CFAP57: variants seen among roughly 807,000 people sequenced by gnomAD.
CFAP57 encodes cilia- and flagella-associated protein 57.
In CFAP57, 116 loss-of-function variants were observed where a neutral mutation model predicts 146.8. The observed-to-expected ratio is 0.79, with a 90% CI of 0.68 to 0.92. The LOEUF (loss-of-function observed/expected upper bound fraction) is 0.92. CFAP57 is among the 40% of genes least tolerant of loss of function. The probability of loss-of-function intolerance (pLI) is 0.00; values close to 1 mark genes in which losing one functional copy is unlikely to be tolerated. For synonymous variants in CFAP57, 518 were observed against 552.8 expected, an observed-to-expected ratio of 0.94 and a Z score of 0.88; for missense variants, 1,377 against 1,527.2, an observed-to-expected ratio of 0.90 and a Z score of 1.64.
Position 43,172,563 on chromosome 1 carries a change from GGGGGAGGGGAAAGGGGAGGGACAA to G in CFAP57, c.-19-140_-19-117del, listed in dbSNP as rs1201283199. The G allele has an allele frequency of 1.2e-3, 927 of 769,796 alleles. 12 individuals carry two copies. The highest frequency in any genetic ancestry group is 0.011 in the South Asian group (671 of 59,780). 47.7% of individuals were successfully genotyped at this position (769,796 alleles called of 1,614,324 possible). A position where few individuals can be genotyped will look rare whatever the true frequency, so the allele number is the denominator to read the frequency against. On this transcript the variant is annotated intron_variant, in intron 1 of 22. Transcript: ENST00000372492. Reference sequence around the variant, plus strand: ...GTGGGGTGGCGCGGAGGAGGACCCCGGGGGAGGGGAAAGGGGAGGGACAAGGGGAGGGGAAAGGGGAGGGACAAG... The same window carrying G: ...GTGGGGTGGCGCGGAGGAGGACCCCGGGGGAGGGGAAAGGGGAGGGACAAG...
chr1:43,210,323 C>T (rs1644548419), intron 11 of CFAP57: 2 of 1,406,826 alleles, frequency 1.4e-6, no homozygotes, highest in East Asian at 2.6e-5. Flanking sequence ...AAAGGCCACC[C>T]CAGGGGCAAT....
chr1:43,240,684 G>A (rs774556861), intron 21 of CFAP57, among the ~76,000 whole-genome samples: 2 of 152,202 alleles, frequency 1.3e-5, no homozygotes, highest in African/African-American at 2.4e-5. Flanking sequence ...CCTGAGGCTG[G>A]GTAATTTATA....
intron 22 of CFAP57, among the ~76,000 whole-genome samples, chr1:43,252,826 G>C (rs1646357522): frequency 6.6e-6 from 1 of 152,188 alleles, no homozygotes; most frequent in South Asian, 2.1e-4. Flanking sequence ...ATAATTAGAA[G>C]CTCAATGGAC....
At chr1:43,175,379 A>AT (rs1645132030) in intron 2 of CFAP57, among the ~76,000 whole-genome samples, 1 of 151,848 alleles carries the variant, frequency 6.6e-6, no homozygotes, top group East Asian at 1.9e-4. Context: ...TTTTATTTTC[A>AT]TTTTTTATCC....
At chr1:43,222,395 T>C (rs1276074728) in intron 15 of CFAP57, 100 bp downstream of exon 15, 3 of 1,130,902 alleles carry the variant, frequency 2.7e-6, no homozygotes, top group Admixed American at 7.2e-5. Flanking sequence ...GGATGTGTTA[T>C]ACACTGGGTC....
intron 4 of CFAP57, 98 bp from the exon 5 acceptor site, chr1:43,185,051 C>A: frequency 7.5e-7 from 1 of 1,338,434 alleles, no homozygotes; most frequent in Non-Finnish European, 1.1e-6. Flanking sequence ...TGGGTGGTTT[C>A]TGTCACACCC....
chr1:43,177,867 G>A (rs1053350458), intron 2 of CFAP57, among the ~76,000 whole-genome samples: 2 of 152,196 alleles, frequency 1.3e-5, no homozygotes, highest in African/African-American at 2.4e-5. Flanking sequence ...GCCCAGCACC[G>A]TGGGTTGGGG....
At chr1:43,248,886 T>TA (rs1646219767) in intron 22 of CFAP57, among the ~76,000 whole-genome samples, 2 of 151,046 alleles carry the variant, frequency 1.3e-5, no homozygotes, top group Admixed American at 6.6e-5. Context: ...AACCTTTTTT[T>TA]AATTTTATTT....
In CFAP57 at chr1:43,222,184, A is replaced by C. The variant is rs1198066484; in HGVS notation, c.2421A>C (p.Glu807Asp). 6.5e-7 allele frequency: 1 copy of C among 1,546,326 alleles called. No homozygotes were observed. The change falls in exon 15 of 23, where the codon GAA becomes GAC. Residue 807 changes from glutamate (E) to aspartate (D), a missense_variant. By Grantham distance (45) the Glu-to-Asp change is conservative. Coordinates refer to ENST00000372492, the MANE Select transcript of CFAP57 (RefSeq NM_001378189.1). ...ELQLKSQRMQ[E>D]EYEKQLRDND... ...AGCTCAAGTCCCAGAGGATGCAGGA[A>C]GAGTATGAAAAACAGCTCCGGGATA...
intron 13 of CFAP57, 34 bp from the exon 14 acceptor site, chr1:43,221,338 T>G: frequency 2.0e-6 from 3 of 1,467,232 alleles, no homozygotes; most frequent in Non-Finnish European, 2.8e-6. Context: ...TTTCAGCAGA[T>G]GTGTGTAAAT....
At chr1:43,224,328 C>T (rs1645161062) in intron 17 of CFAP57, 124 bp downstream of exon 17, 1 of 1,149,504 alleles carries the variant, frequency 8.7e-7, no homozygotes, top group African/African-American at 1.6e-5. Context: ...ATGGGGGAAC[C>T]AGCCGTCAGT....
Position 43,232,607 on chromosome 1 carries a change from C to A in CFAP57, c.3109C>A (p.Arg1037Ser). The change falls in exon 19 of 23, where the codon CGC becomes AGC. Residue 1037 changes from arginine (R) to serine (S), a missense_variant. Physicochemically the swap from Arg to Ser is moderately radical, Grantham distance 110. Coordinates refer to ENST00000372492, the MANE Select transcript of CFAP57 (RefSeq NM_001378189.1). ...QKLRATDQEM[R>S]RERQKERDLE... ...ACTGAGAGCCACCGATCAGGAGATGCGCAGAGAGAGACAGAAGGTGTGAGG... is the reference window on the plus strand; with the variant it reads ...ACTGAGAGCCACCGATCAGGAGATGAGCAGAGAGAGACAGAAGGTGTGAGG... 6.5e-7 allele frequency: 1 copy of A among 1,543,198 alleles called. No homozygotes were observed. Among genetic ancestry groups the A allele is most frequent in the Non-Finnish European group, 8.8e-7 (1 of 1,141,614 alleles).
At chr1:43,206,176 T>G (rs76361464) in intron 9 of CFAP57, among the ~76,000 whole-genome samples, 1 of 152,052 alleles carries the variant, frequency 6.6e-6, no homozygotes, top group Non-Finnish European at 1.5e-5. Context: ...ACCCAGGCTA[T>G]TCTCAAACTG....
At position 43,172,884 on chromosome 1, in the gene CFAP57, A is replaced by T. The variant is rs1645030390; in HGVS notation, c.131A>T (p.Asp44Val). ...AATCACTGTGTGAAGTACAATGTGGATCAGAAATGGCAAAAATTCATTCCA... is the reference window on the plus strand; with the variant it reads ...AATCACTGTGTGAAGTACAATGTGGTTCAGAAATGGCAAAAATTCATTCCA... The part of the protein sequence containing the change: ...SGNHCVKYNV[D>V]QKWQKFIPGS... The change falls in exon 2 of 23, where the codon GAT becomes GTT. Residue 44 changes from aspartate (D) to valine (V), a missense_variant. Asp to Val is a radical substitution (Grantham distance 152, BLOSUM62 -3). Transcript: ENST00000372492. 1 of 1,614,148 alleles carries T rather than the reference A, an allele frequency of 6.2e-7. No individual in the cohort carries two copies. The highest frequency in any genetic ancestry group is 8.5e-7 in the Non-Finnish European group (1 of 1,180,006).
intron 4 of CFAP57, 119 bp from the exon 5 acceptor site, chr1:43,185,030 A>G: frequency 9.1e-7 from 1 of 1,096,188 alleles, no homozygotes; most frequent in South Asian, 1.3e-5. Flanking sequence ...GACTGTGGAA[A>G]AGGGGATCAT....
At chr1:43,252,182 AAAAG>A (rs910209250) in intron 22 of CFAP57, among the ~76,000 whole-genome samples, 25 of 152,320 alleles carry the variant, frequency 1.6e-4, no homozygotes, top group Admixed American at 3.9e-4. Flanking sequence ...CAAAGAAAAG[AAAAG>A]AAAGAGTCAA....
chr1:43,228,944 G>A (rs1321521389), intron 18 of CFAP57, among the ~76,000 whole-genome samples: 1 of 148,740 alleles, frequency 6.7e-6, no homozygotes, highest in African/African-American at 2.5e-5. Flanking sequence ...CTCGTACAAG[G>A]GCACAAATCC....
At chr1:43,225,557 AC>A (rs1645213856) in intron 17 of CFAP57, among the ~76,000 whole-genome samples, 1 of 151,582 alleles carries the variant, frequency 6.6e-6, no homozygotes, top group African/African-American at 2.4e-5. Context: ...CAACATGAAG[AC>A]CCTCACCTCC....
intron 10 of CFAP57, among the ~76,000 whole-genome samples, chr1:43,209,346 T>A (rs10890244): frequency 0.48 from 72,541 of 152,032 alleles, 19,398 homozygotes; most frequent in East Asian, 0.71. Flanking sequence ...GGTACATGAG[T>A]TGAAGCAAAT....
Sources: gnomAD v4.1 joint callset for allele counts (sites outside exome capture counted in the v4.1 genomes callset) on GRCh38, gnomAD v4.1.1 for gene constraint, MANE v1.5 for transcripts, NCBI Gene and HGNC (gene_info 2026-07-23, HGNC 2026-07-21) for gene names.